Variants in SETBP1 observed in about 807,000 individuals in gnomAD.
SETBP1 encodes the protein SET-binding protein.
SETBP1 carries 9 observed loss-of-function variants against 101.0 expected under a neutral mutation model. The observed-to-expected ratio is 0.09, with a 90% confidence interval of 0.05 to 0.16. The LOEUF is 0.16. Among genes scored for constraint, SETBP1 ranks in the 10% least tolerant of loss-of-function variants. The pLI is 1.00. For synonymous variants in SETBP1, 818 were observed against 788.5 expected, an observed-to-expected ratio of 1.04 and a Z score of -0.63; for missense variants, 1,858 against 2,033.8, an observed-to-expected ratio of 0.91 and a Z score of 1.66.
At chr18:44,828,426 C>A (rs770237416) in intron 2 of SETBP1, among the ~76,000 whole-genome samples, 1 of 152,208 alleles carries the variant, frequency 6.6e-6, no homozygotes, top group Non-Finnish European at 1.5e-5. Flanking sequence ...AATTCAGATA[C>A]TACTGAACTT....
chr18:44,989,907 AT>A (rs1280986613), intron 4 of SETBP1, among the ~76,000 whole-genome samples: 1,579 of 53,980 alleles, frequency 0.029, 708 homozygotes, highest in African/African-American at 0.058. Flanking sequence ...AAAAAAAAAA[AT>A]TTATCTAAGT....
intron 2 of SETBP1, among the ~76,000 whole-genome samples, chr18:44,796,134 A>G (rs2071471628): frequency 6.6e-6 from 1 of 152,198 alleles, no homozygotes; most frequent in African/African-American, 2.4e-5. Flanking sequence ...ACTCAAGTAG[A>G]TCTTCTATAA....
At chr18:44,699,084 A>G (rs1446663588) in intron 1 of SETBP1, among the ~76,000 whole-genome samples, 3 of 152,178 alleles carry the variant, frequency 2.0e-5, no homozygotes, top group Non-Finnish European at 4.4e-5. Flanking sequence ...TCTGTAACAT[A>G]CATTTCCCTA....
chr18:44,946,181 C>G lies in SETBP1; in HGVS notation c.541-3700C>G, dbSNP rs151278918. Among the ~76,000 whole-genome samples the G allele has an allele frequency of 7.6e-3, 1,164 of 152,314 alleles. 9 individuals are homozygous for G. Among genetic ancestry groups the G allele is most frequent in the African/African-American group, 0.027 (1,118 of 41,562 alleles). On this transcript the variant is annotated intron_variant, in intron 3 of 5. Transcript: ENST00000649279. ...TGAAGATCTTAAAGCACCATTCCCC[C>G]CATTACTCCTGATCCTTTGTTGTGC...
intron 2 of SETBP1, among the ~76,000 whole-genome samples, chr18:44,791,417 T>A (rs2071368680): frequency 1.3e-5 from 2 of 152,070 alleles, no homozygotes; most frequent in Non-Finnish European, 2.9e-5. Context: ...ACAAAACACA[T>A]ACACACACAT....
intron 3 of SETBP1, among the ~76,000 whole-genome samples, chr18:44,913,526 C>G (rs1033776224): frequency 2.2e-4 from 33 of 152,212 alleles, no homozygotes; most frequent in Non-Finnish European, 4.4e-5. Context: ...TGAGTCAGGA[C>G]TTAAAGCTGG....
intron 4 of SETBP1, among the ~76,000 whole-genome samples, chr18:45,037,773 A>G (rs2073426439): frequency 6.6e-6 from 1 of 151,948 alleles, no homozygotes; most frequent in Admixed American, 6.6e-5. Flanking sequence ...ATGACCAGAC[A>G]CTCAAAGGCC....
At chr18:44,738,598 A>C (rs534358750) in intron 2 of SETBP1, among the ~76,000 whole-genome samples, 2 of 152,046 alleles carry the variant, frequency 1.3e-5, no homozygotes, top group Admixed American at 6.6e-5. Flanking sequence ...ACATGGTGAA[A>C]CTCCATCTCT....
intron 4 of SETBP1, among the ~76,000 whole-genome samples, chr18:45,018,173 T>A (rs1319920375): frequency 6.6e-6 from 1 of 152,166 alleles, no homozygotes; most frequent in Non-Finnish European, 1.5e-5. Context: ...GTTAAACACC[T>A]CCTCTGTTTT....
intron 4 of SETBP1, among the ~76,000 whole-genome samples, chr18:45,031,396 C>T (rs914240573): frequency 6.6e-6 from 1 of 152,126 alleles, no homozygotes; most frequent in African/African-American, 2.4e-5. Flanking sequence ...AATATGTAAA[C>T]TCCTTTAATC....
At position 45,020,258 on chromosome 18, in the gene SETBP1, T is replaced by TAAAAAAAAA. The variant is rs57134217; in HGVS notation, c.4001-18198_4001-18190dup. On this transcript the variant is annotated intron_variant, in intron 4 of 5. Coordinates refer to ENST00000649279, the MANE Select transcript of SETBP1 (RefSeq NM_015559.3). ...CTGGTGACAGAGCAAGACTCTGTCT[T>TAAAAAAAAA]AAAAAAAAAAAAAAAAAAAAAAAAA... is the stretch of plus-strand genomic sequence containing the variant. Among the ~76,000 whole-genome samples the TAAAAAAAAA allele has an allele frequency of 1.6e-3, 86 of 53,084 alleles. 9 individuals are homozygous for TAAAAAAAAA. The highest frequency in any genetic ancestry group is 3.0e-3 in the South Asian group (4 of 1,336). 34.8% of individuals were successfully genotyped at this position (53,084 alleles called of 152,430 possible). A position where few individuals can be genotyped will look rare whatever the true frequency, so the allele number is the denominator to read the frequency against.
chr18:44,944,851 C>G (rs2071166251), intron 3 of SETBP1, among the ~76,000 whole-genome samples: 1 of 151,892 alleles, frequency 6.6e-6, no homozygotes, highest in Admixed American at 6.6e-5. Flanking sequence ...ATAAACTTTG[C>G]TTTAGGTAAG....
intron 5 of SETBP1, among the ~76,000 whole-genome samples, chr18:45,049,864 C>T (rs968634337): frequency 2.0e-5 from 3 of 152,136 alleles, no homozygotes; most frequent in Admixed American, 2.0e-4. Flanking sequence ...AAATTTGGCA[C>T]TCCAATACAG....
At position 44,687,512 on chromosome 18, in the gene SETBP1, G is replaced by T. The variant is rs552973406; in HGVS notation, c.-173+6491G>T. On this transcript the variant is annotated intron_variant, in intron 1 of 5. Transcript: ENST00000649279. ...TTAGAACAGTGGAGTCAGTCTTGGA[G>T]GACAGGGAAGGGGAGAGGAGGCAAT... is the stretch of plus-strand genomic sequence containing the variant. Among the ~76,000 whole-genome samples the T allele has an allele frequency of 3.3e-5, 5 of 152,290 alleles. No individual in the cohort carries two copies. The South Asian group carries it at 1.0e-3, about 32-fold the overall frequency.
chr18:44,962,612 C>G (rs2071635807), intron 4 of SETBP1, among the ~76,000 whole-genome samples: 1 of 152,116 alleles, frequency 6.6e-6, no homozygotes, highest in African/African-American at 2.4e-5. Context: ...GACTAGAAAT[C>G]AAAACCCATT....
intron 4 of SETBP1, among the ~76,000 whole-genome samples, chr18:44,957,208 A>G (rs1333747000): frequency 6.6e-6 from 1 of 152,166 alleles, no homozygotes; most frequent in Admixed American, 6.6e-5. Context: ...GACAATGCAT[A>G]GTCAGAATGA....
chr18:45,063,062 C>G lies in SETBP1; in HGVS notation c.4172-17C>G. ...TTGCATCCTGTGCTCAATTTCTTAT[C>G]TCTTCCCCTCCCGCAGTCGGCTCCT... is the stretch of plus-strand genomic sequence containing the variant. On this transcript the variant is annotated splice_polypyrimidine_tract_variant and intron_variant, in intron 5 of 5. Transcript: ENST00000649279. The G allele has an allele frequency of 2.5e-6, 4 of 1,613,662 alleles. No homozygotes were observed. The highest frequency in any genetic ancestry group is 2.5e-6 in the Non-Finnish European group (3 of 1,180,030).
chr18:44,753,896 C>T (rs747389792), intron 2 of SETBP1, among the ~76,000 whole-genome samples: 1 of 152,214 alleles, frequency 6.6e-6, no homozygotes, highest in Non-Finnish European at 1.5e-5. Flanking sequence ...TTGAAGCCAT[C>T]TCACCTAATT....
At chr18:45,040,839 A>G (rs957766716) in intron 5 of SETBP1, among the ~76,000 whole-genome samples, 4 of 152,214 alleles carry the variant, frequency 2.6e-5, no homozygotes, top group African/African-American at 9.6e-5. Context: ...GCAGTACTTA[A>G]ATGAGACCCT....
Sources: gnomAD v4.1 joint callset for allele counts (sites outside exome capture counted in the v4.1 genomes callset) on GRCh38, gnomAD v4.1.1 for gene constraint, MANE v1.5 for transcripts, NCBI Gene and HGNC (gene_info 2026-07-23, HGNC 2026-07-21) for gene names.